Variants in ADCY10 observed in about 807,000 individuals in gnomAD.
The protein encoded by ADCY10 is adenylate cyclase type 10.
ADCY10 carries 156 observed loss-of-function variants against 183.3 expected under a neutral mutation model. The observed-to-expected ratio is 0.85, with a 90% CI of 0.75 to 0.97. The LOEUF is 0.97. Ranked by LOEUF, ADCY10 falls within the 50% of genes least tolerant of loss-of-function variation. ADCY10 has a pLI of 0.00. For synonymous variants in ADCY10, 645 were observed against 670.0 expected (o/e 0.96, Z 0.58); for missense variants, 1,745 against 1,934.3 (o/e 0.90, Z 1.84).
intron 31 of ADCY10, among the ~76,000 whole-genome samples, chr1:167,811,188 T>G (rs1445282812): frequency 6.6e-6 from 1 of 152,188 alleles, no homozygotes; most frequent in East Asian, 1.9e-4. Context: ...TTGATTATTA[T>G]GATTATTAAG....
At chr1:167,873,245 T>C (rs1667230468) in intron 13 of ADCY10, among the ~76,000 whole-genome samples, 1 of 152,152 alleles carries the variant, frequency 6.6e-6, no homozygotes, top group East Asian at 1.9e-4. Context: ...TCCTTCTCTC[T>C]AGCTTCAGGA....
Position 167,906,380 on chromosome 1 carries a change from TA to T in ADCY10, c.-58-1183del, listed in dbSNP as rs200857250. 4.2e-3 allele frequency among the ~76,000 whole-genome samples: 615 copies of T among 148,164 alleles called. 6 individuals carry two copies. The East Asian group carries it at 0.045, about 11-fold the overall frequency. Reference sequence around the variant, plus strand: ...AACTAAGGTTTAAAAAAAAAAAGGGTAGCATTAAAAATGCAGCAAAAGACCA... The same window carrying T: ...AACTAAGGTTTAAAAAAAAAAAGGGTGCATTAAAAATGCAGCAAAAGACCA... On this transcript the variant is annotated intron_variant, in intron 1 of 32. Transcript: ENST00000367851.
intron 14 of ADCY10, among the ~76,000 whole-genome samples, chr1:167,866,505 T>A (rs1229500056): frequency 3.7e-5 from 5 of 136,692 alleles, no homozygotes; most frequent in African/African-American, 8.0e-5. Flanking sequence ...CTACCTGACC[T>A]GACGAAAGTG....
chr1:167,818,057 G>A lies in ADCY10; in HGVS notation c.4482+15C>T, dbSNP rs778688169. ...AAGGCATATTTTATACTGGAAACTG[G>A]AGAATAGGCCTCACCTTGAGTAGCT... On this transcript the variant is annotated intron_variant, in intron 31 of 32. Transcript: ENST00000367851. 1.9e-6 allele frequency: 3 copies of A among 1,612,740 alleles called. No homozygotes were observed. Among genetic ancestry groups the A allele is most frequent in the South Asian group, 2.2e-5 (2 of 91,030 alleles).
chr1:167,824,784 A>G lies in ADCY10; in HGVS notation c.3822T>C (p.Tyr1274=), dbSNP rs767529020. The G allele has an allele frequency of 3.1e-6, 5 of 1,614,096 alleles. No homozygotes were observed. Among genetic ancestry groups the G allele is most frequent in the African/African-American group, 1.3e-5 (1 of 74,936 alleles). ...LAGYKGVWFK[Y]EVMAMEHIFN... The stretch of plus-strand genomic sequence containing the variant: ...AGATGTGCTCCATGGCCATGACTTC[A>G]TATTTGAACCACACACCTTTGTAGC... The change falls in exon 27 of 33, where the codon TAT becomes TAC. Residue 1274 remains tyrosine, a synonymous_variant. Coordinates refer to ENST00000367851, the MANE Select transcript of ADCY10 (RefSeq NM_018417.6).
intron 23 of ADCY10, 95 bp from the exon 24 acceptor site, chr1:167,834,172 C>T: frequency 2.2e-6 from 2 of 915,504 alleles, no homozygotes; most frequent in East Asian, 2.6e-5. Context: ...GTAAGAGATG[C>T]AGGAGCCATT....
At position 167,819,721 on chromosome 1, in the gene ADCY10, C is replaced by G. The variant is rs575048897; in HGVS notation, c.4287-1454G>C. On this transcript the variant is annotated intron_variant, in intron 30 of 32. Transcript: ENST00000367851. ...GGGTTTACAGGCATGCGCCACCATG[C>G]CTGGCTAATTTTTTTGTATTTTTAG... 6.3e-4 allele frequency among the ~76,000 whole-genome samples: 96 copies of G among 152,026 alleles called. 3 individuals are homozygous for G. In the South Asian group the frequency reaches 0.02, roughly 31 times the overall value.
chr1:167,883,597 G>C lies in ADCY10; in HGVS notation c.860C>G (p.Ser287Cys), dbSNP rs1308621468. The C allele has an allele frequency of 2.5e-6, 4 of 1,614,244 alleles. No individual in the cohort carries two copies. The highest frequency in any genetic ancestry group is 1.1e-5 in the South Asian group (1 of 91,086). Residue 287 changes from serine (S) to cysteine (C), a missense_variant, in exon 9 of 33, where the codon TCT (serine) becomes TGT (cysteine). Physicochemically the swap from Ser to Cys is moderately radical, Grantham distance 112. Coordinates refer to ENST00000367851, the MANE Select transcript of ADCY10 (RefSeq NM_018417.6). ...CACAATCGTCACTGGGCGAAGCTCA[G>C]ATAAATAGCCCTGAAGCTGTTTGTT... Reference protein sequence around the residue: ...IDNKQLQGYLSELRPVTIVFV... With the variant: ...IDNKQLQGYLCELRPVTIVFV...
In ADCY10 at chr1:167,824,724, G is replaced by A. The variant is rs575935741; in HGVS notation, c.3882C>T (p.Ile1294=). The A allele has an allele frequency of 7.4e-6, 12 of 1,614,196 alleles. No homozygotes were observed. Among genetic ancestry groups the A allele is most frequent in the Middle Eastern group, 1.6e-4 (1 of 6,062 alleles). The change falls in exon 27 of 33, where the codon ATC becomes ATT. Residue 1294 remains isoleucine, a synonymous_variant. Transcript: ENST00000367851. The part of the protein sequence containing the change: ...NLPLKGEGIE[I]VAYVAETLVF... The stretch of plus-strand genomic sequence containing the variant: ...CCAGTGTCTCAGCCACGTATGCCAC[G>A]ATTTCAATGCCCTCGCCTTTCAGGG...
intron 28 of ADCY10, 62 bp from the exon 29 acceptor site, chr1:167,823,185 G>A: frequency 2.8e-6 from 4 of 1,423,070 alleles, no homozygotes; most frequent in Non-Finnish European, 4.0e-6. Context: ...CCAGCACTTT[G>A]GGAGGCTGAG....
chr1:167,904,461 C>T (rs1669680176), intron 2 of ADCY10: 2 of 209,754 alleles, frequency 9.5e-6, no homozygotes, highest in African/African-American at 4.7e-5. Flanking sequence ...CATGCAGCCT[C>T]CTCTAGCTAT....
chr1:167,911,643 T>G (rs1670157992), intron 1 of ADCY10, among the ~76,000 whole-genome samples: 3 of 152,224 alleles, frequency 2.0e-5, no homozygotes, highest in Admixed American at 1.3e-4. Context: ...TGACCCCGTC[T>G]CCTTTGTTCA....
intron 21 of ADCY10, among the ~76,000 whole-genome samples, chr1:167,841,271 A>G (rs1664617085): frequency 6.6e-6 from 1 of 152,072 alleles, no homozygotes; most frequent in Admixed American, 6.6e-5. Flanking sequence ...GTATAAATTC[A>G]ACATGTATAG....
At chr1:167,872,788 T>C (rs1667193756) in intron 13 of ADCY10, among the ~76,000 whole-genome samples, 1 of 149,242 alleles carries the variant, frequency 6.7e-6, no homozygotes, top group Non-Finnish European at 1.5e-5. Flanking sequence ...AATATACACA[T>C]AGGCTGCACG....
intron 7 of ADCY10, among the ~76,000 whole-genome samples, chr1:167,895,097 G>A (rs1571431909): frequency 6.6e-6 from 1 of 150,886 alleles, no homozygotes; most frequent in African/African-American, 2.4e-5. Flanking sequence ...CAGGAGAATC[G>A]CTTGAACCCG....
At chr1:167,861,090 A>T (rs1306801515) in intron 14 of ADCY10, 27 bp from the exon 15 acceptor site, 1 of 1,586,260 alleles carries the variant, frequency 6.3e-7, no homozygotes, top group Non-Finnish European at 8.7e-7. Flanking sequence ...CAAGAAACAG[A>T]AGAGAGTTTT....
Position 167,896,639 on chromosome 1 carries a change from T to G in ADCY10, c.695A>C (p.Lys232Thr). ...PNFNFDEFFT[K>T]CTTFMHYYPS... ...ATAATAATGCATGAAGGTCGTACAC[T>G]TTGTGAAAAATTCATCAAAATTAAA... The change falls in exon 7 of 33, where the codon AAG (lysine) becomes ACG (threonine). Residue 232 changes from lysine (K) to threonine (T), a missense_variant. Lys to Thr is a moderately conservative substitution (Grantham distance 78). Coordinates refer to ENST00000367851, the MANE Select transcript of ADCY10 (RefSeq NM_018417.6). 6.2e-7 allele frequency: 1 copy of G among 1,613,836 alleles called. No individual in the cohort carries two copies. The highest frequency in any genetic ancestry group is 8.5e-7 in the Non-Finnish European group (1 of 1,179,724).
rs187570758 is a variant in ADCY10 at position 167,823,932 on chromosome 1, A to T, written c.4052+544T>A. 2.0e-3 allele frequency among the ~76,000 whole-genome samples: 312 copies of T among 152,328 alleles called. 1 individual carries two copies. Among genetic ancestry groups the T allele is most frequent in the Non-Finnish European group, 3.6e-3 (246 of 68,034 alleles). On this transcript the variant is annotated intron_variant, in intron 28 of 32. Transcript: ENST00000367851. ...TCCACCTGACAGAAGTGGAGGCCTG[A>T]TTCCCACAGCTGGGATGACTGTCTG...
At chr1:167,811,910 G>T (rs1435578550) in intron 31 of ADCY10, among the ~76,000 whole-genome samples, 11 of 152,218 alleles carry the variant, frequency 7.2e-5, no homozygotes, top group African/African-American at 2.7e-4. Flanking sequence ...GGCAGAATCT[G>T]TCAGAATGTA....
Sources: gnomAD v4.1 joint callset for allele counts (sites outside exome capture counted in the v4.1 genomes callset) on GRCh38, gnomAD v4.1.1 for gene constraint, MANE v1.5 for transcripts, NCBI Gene and HGNC (gene_info 2026-07-23, HGNC 2026-07-21) for gene names.